Variants in WDR45B observed in about 807,000 individuals in gnomAD.
WDR45B encodes the protein WD repeat domain phosphoinositide-interacting protein 3.
A neutral mutation model predicts 44.6 loss-of-function variants in WDR45B; 20 were observed. The ratio of observed to expected loss-of-function variants is 0.45; its 90% CI spans 0.32 to 0.65. The LOEUF (loss-of-function observed/expected upper bound fraction) is 0.65, where lower values mean the gene tolerates loss of function less well. Ranked by LOEUF, WDR45B falls within the 30% of genes least tolerant of loss-of-function variation. The probability of loss-of-function intolerance (pLI) is 0.05; values close to 1 mark genes in which losing one functional copy is unlikely to be tolerated. For synonymous variants in WDR45B, 169 were observed against 164.9 expected (o/e 1.02, Z -0.19); for missense variants, 323 against 430.2 (o/e 0.75, Z 2.20).
chr17:82,635,656 C>A (rs2045823614), intron 2 of WDR45B, among the ~76,000 whole-genome samples: 1 of 151,800 alleles, frequency 6.6e-6, no homozygotes, highest in South Asian at 2.1e-4. Context: ...CTCCTGACCT[C>A]AGGAGATCCA....
chr17:82,620,368 G>A (rs1053403560), intron 6 of WDR45B, among the ~76,000 whole-genome samples: 1 of 152,224 alleles, frequency 6.6e-6, no homozygotes, highest in Non-Finnish European at 1.5e-5. Flanking sequence ...AGGAGGCGGA[G>A]GTGGCAGTGA....
At chr17:82,633,967 G>A (rs1048518482) in intron 2 of WDR45B, among the ~76,000 whole-genome samples, 3 of 151,248 alleles carry the variant, frequency 2.0e-5, no homozygotes, top group Non-Finnish European at 4.4e-5. Context: ...TGGCCAACAT[G>A]GTGAAACCTC....
chr17:82,640,851 G>T (rs1568015988), intron 2 of WDR45B, among the ~76,000 whole-genome samples: 1 of 152,120 alleles, frequency 6.6e-6, no homozygotes, highest in African/African-American at 2.4e-5. Flanking sequence ...GGGACAGCCT[G>T]CCCCAGACAC....
chr17:82,615,940 C>T lies in WDR45B; in HGVS notation c.1014G>A (p.Glu338=), dbSNP rs1224440037. 1 of 1,613,492 alleles carries T rather than the reference C, an allele frequency of 6.2e-7. No homozygotes were observed. The highest frequency in any genetic ancestry group is 1.1e-5 in the South Asian group (1 of 90,994). The change falls in exon 10 of 10, where the codon GAG becomes GAA. Residue 338 remains glutamate (E), a synonymous_variant. Coordinates refer to ENST00000392325, the MANE Select transcript of WDR45B (RefSeq NM_019613.4). ...CIRDVYAQFL[E]MTDDKL ...GGAGTCACAGCTTGTCATCGGTCAT[C>T]TCTAGAAACTGCGCGTAGACATCTC...
Position 82,621,872 on chromosome 17 carries a change from C to T in WDR45B, c.428-73G>A, listed in dbSNP as rs766687511. The T allele has an allele frequency of 7.1e-4, 1,074 of 1,518,528 alleles. 3 individuals carry two copies. Among genetic ancestry groups the T allele is most frequent in the Middle Eastern group, 1.0e-3 (6 of 5,876 alleles). The allele number at this position is 1,518,528 out of a possible 1,614,324, so 94.1% of individuals were successfully genotyped here. ...ACAGCCAAAGTCCACTTTCTGCCCC[C>T]AAAGTTCTCCGAAAAAATAGATGTA... On this transcript the variant is annotated intron_variant, in intron 5 of 9. Transcript: ENST00000392325.
intron 2 of WDR45B, among the ~76,000 whole-genome samples, chr17:82,643,488 G>T (rs1242294839): frequency 1.3e-5 from 2 of 151,946 alleles, no homozygotes; most frequent in Non-Finnish European, 2.9e-5. Flanking sequence ...TTTGCCCAAG[G>T]TCGCACAGCA....
chr17:82,637,091 G>A (rs1031624928), intron 2 of WDR45B, among the ~76,000 whole-genome samples: 1 of 151,998 alleles, frequency 6.6e-6, no homozygotes, highest in African/African-American at 2.4e-5. Flanking sequence ...GCCTTACTGA[G>A]AGAATTAAAC....
At chr17:82,636,060 C>A (rs1219521120) in intron 2 of WDR45B, among the ~76,000 whole-genome samples, 1 of 151,834 alleles carries the variant, frequency 6.6e-6, no homozygotes, top group Admixed American at 6.6e-5. Flanking sequence ...GCACTCTAGC[C>A]TGGGCAACAA....
intron 1 of WDR45B, among the ~76,000 whole-genome samples, chr17:82,646,503 AAAAAAAAAAC>A (rs1263785103): frequency 5.4e-5 from 8 of 147,734 alleles, no homozygotes; most frequent in African/African-American, 1.5e-4. Context: ...AAAAAAAAAA[AAAAAAAAAAC>A]CCAAAACAAA....
intron 2 of WDR45B, among the ~76,000 whole-genome samples, chr17:82,643,079 C>T (rs550221030): frequency 6.6e-6 from 1 of 152,266 alleles, no homozygotes; most frequent in Admixed American, 6.5e-5. Flanking sequence ...TCTTACGCAC[C>T]CTGACTCATT....
chr17:82,615,942 C>A lies in WDR45B; in HGVS notation c.1012G>T (p.Glu338Ter), dbSNP rs749194242. Reference sequence around the variant, plus strand: ...AGTCACAGCTTGTCATCGGTCATCTCTAGAAACTGCGCGTAGACATCTCGG... The same window carrying A: ...AGTCACAGCTTGTCATCGGTCATCTATAGAAACTGCGCGTAGACATCTCGG... ...CIRDVYAQFL[E>*]MTDDKL Residue 338 changes from glutamate (E) to a stop codon, truncating the protein, a stop_gained, in exon 10 of 10, where the codon GAG (glutamate) becomes TAG (stop). Coordinates refer to ENST00000392325, the MANE Select transcript of WDR45B (RefSeq NM_019613.4). LOFTEE classifies it high-confidence loss of function. The A allele has an allele frequency of 6.2e-7, 1 of 1,613,346 alleles. No individual in the cohort carries two copies. The highest frequency in any genetic ancestry group is 1.3e-5 in the African/African-American group (1 of 74,698).
intron 1 of WDR45B, among the ~76,000 whole-genome samples, chr17:82,644,919 G>A (rs2045957531): frequency 1.3e-5 from 2 of 152,200 alleles, no homozygotes; most frequent in Non-Finnish European, 2.9e-5. Context: ...CCAGCACTTT[G>A]GGAGACCGAG....
intron 7 of WDR45B, 89 bp from the exon 8 acceptor site, chr17:82,617,486 C>T: frequency 7.7e-7 from 1 of 1,293,844 alleles, no homozygotes; most frequent in South Asian, 1.2e-5. Flanking sequence ...CACTGTGGAA[C>T]ACCTCAACAT....
At chr17:82,644,162 C>A (rs562470982) in intron 1 of WDR45B, 139 bp from the exon 2 acceptor site, 46 of 773,522 alleles carry the variant, frequency 5.9e-5, no homozygotes. Flanking sequence ...AGTCACAACT[C>A]CTGTCCTTGT....
intron 4 of WDR45B, among the ~76,000 whole-genome samples, chr17:82,626,377 G>A (rs892305472): frequency 1.5e-4 from 23 of 150,766 alleles, no homozygotes; most frequent in African/African-American, 5.6e-4. Flanking sequence ...CTCTACTAAA[G>A]ATACAAAATC....
Position 82,615,675 on chromosome 17 carries a change from A to G in WDR45B, c.*244T>C. On this transcript the variant is annotated 3_prime_UTR_variant, in exon 10 of 10. Coordinates refer to ENST00000392325, the MANE Select transcript of WDR45B (RefSeq NM_019613.4). ...ACGTCACAGCTGAACTCATGGGAACAGCCAGTGGCCGCCAGTCGAGCTGGT... is the reference window on the plus strand; with the variant it reads ...ACGTCACAGCTGAACTCATGGGAACGGCCAGTGGCCGCCAGTCGAGCTGGT... 1 of 543,168 alleles carries G rather than the reference A, an allele frequency of 1.8e-6. No individual in the cohort carries two copies. Among genetic ancestry groups the G allele is most frequent in the Non-Finnish European group, 3.3e-6 (1 of 300,772 alleles). The allele number at this position is 543,168 out of a possible 1,614,324, so 33.6% of individuals were successfully genotyped here.
chr17:82,619,208 A>G, intron 6 of WDR45B, 80 bp from the exon 7 acceptor site: 1 of 1,319,126 alleles, frequency 7.6e-7, no homozygotes, highest in South Asian at 1.2e-5. Context: ...ACATTCACAA[A>G]TCCATTAGTC....
intron 2 of WDR45B, among the ~76,000 whole-genome samples, chr17:82,634,514 T>C (rs2045810100): frequency 6.7e-6 from 1 of 149,556 alleles, no homozygotes; most frequent in Non-Finnish European, 1.5e-5. Context: ...AAAAACAAAG[T>C]TACCATATGA....
At position 82,648,418 on chromosome 17, in the gene WDR45B, G is replaced by T; in HGVS notation, c.-78C>A. 1.3e-6 allele frequency: 2 copies of T among 1,535,430 alleles called. No homozygotes were observed. Among genetic ancestry groups the T allele is most frequent in the South Asian group, 1.2e-5 (1 of 85,008 alleles). Reference sequence around the variant, plus strand: ...GACGGCGGCCTGGTCCCTTCGGGCCGGCGCTGAGGCCGCCGCGGCCGGAAG... The same window carrying T: ...GACGGCGGCCTGGTCCCTTCGGGCCTGCGCTGAGGCCGCCGCGGCCGGAAG... On this transcript the variant is annotated 5_prime_UTR_variant, in exon 1 of 10. Transcript: ENST00000392325.
Sources: gnomAD v4.1 joint callset for allele counts (sites outside exome capture counted in the v4.1 genomes callset) on GRCh38, gnomAD v4.1.1 for gene constraint, MANE v1.5 for transcripts, NCBI Gene and HGNC (gene_info 2026-07-23, HGNC 2026-07-21) for gene names.